GABRR3: variants seen among roughly 807,000 people sequenced by gnomAD.
The protein encoded by GABRR3 is gamma-aminobutyric acid receptor subunit rho-3.
GABRR3 carries 29 observed loss-of-function variants against 43.2 expected under a neutral mutation model. The observed-to-expected ratio is 0.67, with a 90% CI of 0.50 to 0.92. GABRR3 has a LOEUF of 0.92. Ranked by LOEUF, GABRR3 falls within the 40% of genes least tolerant of loss-of-function variation. The pLI is 0.00. For synonymous variants in GABRR3, 206 were observed against 195.9 expected, an observed-to-expected ratio of 1.05 and a Z score of -0.43; for missense variants, 576 against 572.3, an observed-to-expected ratio of 1.01 and a Z score of -0.07.
intron 9 of GABRR3, among the ~76,000 whole-genome samples, chr3:97,988,497 T>G (rs1195788934): frequency 1.3e-5 from 2 of 152,184 alleles, no homozygotes; most frequent in African/African-American, 4.8e-5. Context: ...GGTTGGAATA[T>G]GTACATGAAC....
At chr3:98,025,464 A>T in intron 3 of GABRR3, 103 bp downstream of exon 3, 1 of 679,148 alleles carries the variant, frequency 1.5e-6, no homozygotes, top group Non-Finnish European at 2.4e-6. Context: ...TTTTTGTTTT[A>T]AACTGATGGA....
At chr3:97,989,379 T>C (rs1230929877) in intron 9 of GABRR3, among the ~76,000 whole-genome samples, 4 of 146,468 alleles carry the variant, frequency 2.7e-5, no homozygotes, top group Non-Finnish European at 6.0e-5. Context: ...TGTTTGATGG[T>C]GGTTAGGGGT....
intron 7 of GABRR3, among the ~76,000 whole-genome samples, chr3:98,007,166 G>A (rs1437080224): frequency 1.3e-5 from 2 of 152,152 alleles, no homozygotes; most frequent in Non-Finnish European, 2.9e-5. Context: ...GAGAAAGGAA[G>A]CCTGTTTTAC....
At chr3:98,003,870 ATC>A in intron 7 of GABRR3, among the ~76,000 whole-genome samples, 1 of 152,196 alleles carries the variant, frequency 6.6e-6, no homozygotes, top group South Asian at 2.1e-4. Context: ...GAGCCTGCCC[ATC>A]TCTCTCTAGA....
At chr3:98,001,681 T>C in exon 8 of GABRR3, 1 of 1,613,350 alleles carries the variant, frequency 6.2e-7, no homozygotes, top group Non-Finnish European at 8.5e-7. Flanking sequence ...AGCATCACCA[T>C]CAATATGGCT....
intron 3 of GABRR3, among the ~76,000 whole-genome samples, chr3:98,021,127 A>T (rs1419716194): frequency 1.3e-5 from 2 of 151,866 alleles, no homozygotes; most frequent in East Asian, 3.9e-4. Context: ...GGCCTCCCAA[A>T]GTGCTGGGAT....
chr3:98,027,074 C>G (rs1707026479), intron 2 of GABRR3, among the ~76,000 whole-genome samples: 1 of 152,122 alleles, frequency 6.6e-6, no homozygotes, highest in African/African-American at 2.4e-5. Context: ...ACACATACAA[C>G]TAGTTTTTCC....
At chr3:97,990,108 C>T (rs762857993) in intron 9 of GABRR3, among the ~76,000 whole-genome samples, 6 of 152,140 alleles carry the variant, frequency 3.9e-5, no homozygotes, top group Admixed American at 1.3e-4. Context: ...TAGTAATACT[C>T]CTATTCCCTC....
chr3:97,998,417 T>C (rs1706590187), intron 8 of GABRR3: 1 of 152,118 alleles, frequency 6.6e-6, no homozygotes, highest in Non-Finnish European at 1.5e-5. Context: ...AATGCATCAG[T>C]GAAAAGTCTA....
At chr3:98,011,120 A>G (rs572091421) in intron 5 of GABRR3, among the ~76,000 whole-genome samples, 6 of 151,924 alleles carry the variant, frequency 3.9e-5, no homozygotes, top group African/African-American at 1.4e-4. Context: ...CCCCCAAAAA[A>G]CCCATTGAAA....
intron 4 of GABRR3, among the ~76,000 whole-genome samples, chr3:98,013,630 T>G (rs1342352506): frequency 6.6e-6 from 1 of 152,218 alleles, no homozygotes; most frequent in Non-Finnish European, 1.5e-5. Context: ...AAACTCTGAA[T>G]GAGTCACCAA....
chr3:98,022,680 T>C (rs1576049109), intron 3 of GABRR3, among the ~76,000 whole-genome samples: 1 of 152,178 alleles, frequency 6.6e-6, no homozygotes, highest in East Asian at 1.9e-4. Context: ...TTTATGAAGA[T>C]TTTTCGGCTC....
At position 97,991,395 on chromosome 3, in the gene GABRR3, C is replaced by T. The variant is rs191252552; in HGVS notation, c.1104+1457G>A. 2.1e-3 allele frequency among the ~76,000 whole-genome samples: 325 copies of T among 152,322 alleles called. 1 individual carries two copies. Among genetic ancestry groups the T allele is most frequent in the Non-Finnish European group, 3.8e-3 (259 of 68,024 alleles). On this transcript the variant is annotated intron_variant, in intron 9 of 9. Coordinates refer to ENST00000621172, the Ensembl canonical transcript of GABRR3. ...CCTGAATTAGAGTTTAACGAGGACC[C>T]GGGTGATGCCTACGCACCACTGCCG...
At chr3:98,012,322 G>A (rs867873707) in intron 5 of GABRR3, 22 bp downstream of exon 5, 1 of 1,591,802 alleles carries the variant, frequency 6.3e-7, no homozygotes, top group Non-Finnish European at 8.6e-7. Flanking sequence ...GGAAGCCAAA[G>A]GCGATAGGCA....
At chr3:98,000,126 G>A (rs970801874) in intron 8 of GABRR3, 1 of 151,900 alleles carries the variant, frequency 6.6e-6, no homozygotes, top group Admixed American at 6.6e-5. Flanking sequence ...AGTGGGAGAG[G>A]GACACTTCTG....
At chr3:98,007,255 A>C (rs1029954884) in intron 7 of GABRR3, among the ~76,000 whole-genome samples, 2 of 152,030 alleles carry the variant, frequency 1.3e-5, no homozygotes, top group African/African-American at 4.8e-5. Context: ...GGAGAAGGGC[A>C]TGAGAATATT....
At chr3:98,002,690 T>C (rs116849084) in intron 7 of GABRR3, among the ~76,000 whole-genome samples, 11 of 152,170 alleles carry the variant, frequency 7.2e-5, no homozygotes, top group East Asian at 3.9e-4. Context: ...TGAGGAAACA[T>C]GGAAATACAT....
chr3:98,025,703 A>G (rs1247047508), intron 2 of GABRR3, 24 bp from the exon 3 acceptor site: 1 of 1,521,640 alleles, frequency 6.6e-7, no homozygotes, highest in African/African-American at 1.4e-5. Context: ...GGGAAAAAAA[A>G]AACTTCTGAG....
exon 6 of GABRR3, chr3:98,009,026 C>T (rs913453364): frequency 2.4e-5 from 39 of 1,604,088 alleles, no homozygotes; most frequent in Non-Finnish European, 2.7e-5. Flanking sequence ...AGCACATGGC[C>T]GAAACCGTTA....
Sources: allele counts gnomAD v4.1 joint callset (sites outside exome capture counted in the v4.1 genomes callset), GRCh38; gene constraint gnomAD v4.1.1; transcripts MANE v1.5; gene names NCBI Gene and HGNC (gene_info 2026-07-23, HGNC 2026-07-21).